The following TNNI3K variants were observed in gnomAD, a reference collection of about 807,000 sequenced individuals.
The protein encoded by TNNI3K is serine/threonine-protein kinase TNNI3K.
Under a neutral mutation model 114.5 loss-of-function variants are expected in TNNI3K, and 140 were observed. The observed-to-expected ratio is 1.22, with a 90% CI of 1.07 to 1.41. TNNI3K has a LOEUF of 1.41. Ranked by LOEUF, TNNI3K falls within the 40% of genes most tolerant of loss-of-function variation. TNNI3K has a pLI of 0.00. For synonymous variants in TNNI3K, 347 were observed against 347.5 expected, an observed-to-expected ratio of 1.00 and a Z score of 0.02; for missense variants, 1,125 against 1,007.6, an observed-to-expected ratio of 1.12 and a Z score of -1.58.
At chr1:74,244,088 G>A (rs560612060) in intron 2 of TNNI3K, among the ~76,000 whole-genome samples, 14 of 152,252 alleles carry the variant, frequency 9.2e-5, no homozygotes, top group African/African-American at 2.6e-4. Context: ...AAACAGAAAC[G>A]TTTGACTAGA....
At chr1:74,395,029 G>A (rs747105255) in intron 17 of TNNI3K, among the ~76,000 whole-genome samples, 15 of 148,564 alleles carry the variant, frequency 1.0e-4, no homozygotes, top group Non-Finnish European at 2.2e-4. Context: ...GGGCGACAGA[G>A]CAAGACTCCA....
At chr1:74,406,146 G>A (rs1664602159) in intron 17 of TNNI3K, among the ~76,000 whole-genome samples, 1 of 152,164 alleles carries the variant, frequency 6.6e-6, no homozygotes. Flanking sequence ...AGTTCTTGTG[G>A]TTGTAGGACT....
At chr1:74,372,092 G>GAAAAAAAA (rs61241236) in intron 17 of TNNI3K, 1 of 135,260 alleles carries the variant, frequency 7.4e-6, no homozygotes, top group African/African-American at 2.9e-5. Flanking sequence ...TAGTTTTTAA[G>GAAAAAAAA]AAAAAAAAAA....
rs543168273 is a variant in TNNI3K, at chr1:74,247,801, C to T, written c.150-1658C>T. 2.6e-4 allele frequency among the ~76,000 whole-genome samples: 39 copies of T among 152,320 alleles called. No homozygotes were observed. The South Asian group carries it at 3.9e-3, about 15-fold the overall frequency. On this transcript the variant is annotated intron_variant, in intron 2 of 24. Coordinates refer to ENST00000326637, the MANE Select transcript of TNNI3K (RefSeq NM_015978.3). ...CCTCCAGCTAGACATAAAAGTTCTC[C>T]AAGTCCCCACCCAACTCAGGAGCCC...
intron 5 of TNNI3K, among the ~76,000 whole-genome samples, chr1:74,315,710 C>A (rs115817492): frequency 6.6e-6 from 1 of 152,056 alleles, no homozygotes; most frequent in Non-Finnish European, 1.5e-5. Flanking sequence ...ATCATCGATT[C>A]TCCTTTGTGT....
At chr1:74,392,749 G>A (rs900108189) in intron 17 of TNNI3K, among the ~76,000 whole-genome samples, 20 of 152,116 alleles carry the variant, frequency 1.3e-4, no homozygotes, top group East Asian at 1.9e-4. Flanking sequence ...AGTACCTCCC[G>A]AAATGCATAA....
chr1:74,370,221 C>T lies in TNNI3K; in HGVS notation c.1668-67C>T, dbSNP rs181884511. 20 of 1,369,120 alleles carry T rather than the reference C, an allele frequency of 1.5e-5. 1 individual carries two copies. In the East Asian group the frequency reaches 3.0e-4, roughly 21 times the overall value. 84.8% of individuals were successfully genotyped at this position (1,369,120 alleles called of 1,614,324 possible). A position where few individuals can be genotyped will look rare whatever the true frequency, so the allele number is the denominator to read the frequency against. ...ATGATATAAAATAACAACTCTTACA[C>T]ATCATTTGCTTTTTTGATATTCGTT... is the stretch of plus-strand genomic sequence containing the variant. On this transcript the variant is annotated intron_variant, in intron 16 of 24. Transcript: ENST00000326637.
intron 20 of TNNI3K, among the ~76,000 whole-genome samples, chr1:74,447,512 C>G (rs1666758210): frequency 7.8e-6 from 1 of 127,486 alleles, no homozygotes; most frequent in Admixed American, 8.1e-5. Context: ...TGAAGAAATG[C>G]TCATCATCAC....
At chr1:74,317,654 C>T (rs1659386622) in intron 5 of TNNI3K, among the ~76,000 whole-genome samples, 1 of 152,072 alleles carries the variant, frequency 6.6e-6, no homozygotes, top group African/African-American at 2.4e-5. Flanking sequence ...GTAGAGTGAC[C>T]ACATATTCCT....
chr1:74,345,022 C>T (rs1025368193), intron 9 of TNNI3K, among the ~76,000 whole-genome samples: 2 of 151,858 alleles, frequency 1.3e-5, no homozygotes, highest in African/African-American at 4.8e-5. Flanking sequence ...CACGCATACA[C>T]GTGTGTGCAT....
intron 18 of TNNI3K, 24 bp downstream of exon 18, chr1:74,436,156 C>A: frequency 2.5e-6 from 4 of 1,606,904 alleles, no homozygotes; most frequent in Admixed American, 1.7e-5. Context: ...AAATGGCATC[C>A]TTTTTTTCTT....
chr1:74,451,348 T>C (rs1297433068), intron 20 of TNNI3K, among the ~76,000 whole-genome samples: 1 of 152,154 alleles, frequency 6.6e-6, no homozygotes, highest in Non-Finnish European at 1.5e-5. Context: ...TCATGGTACA[T>C]GTTTACTTAT....
intron 20 of TNNI3K, among the ~76,000 whole-genome samples, chr1:74,457,964 C>T (rs1023969253): frequency 1.3e-5 from 2 of 152,096 alleles, no homozygotes; most frequent in East Asian, 1.9e-4. Context: ...TAAAAAGGAC[C>T]TAAGTTGACT....
intron 17 of TNNI3K, among the ~76,000 whole-genome samples, chr1:74,397,972 C>G (rs1664172531): frequency 6.6e-6 from 1 of 152,182 alleles, no homozygotes; most frequent in Non-Finnish European, 1.5e-5. Context: ...CTGGACAGAG[C>G]AGGGCCTAAT....
At chr1:74,427,721 C>A (rs1331028474) in intron 17 of TNNI3K, among the ~76,000 whole-genome samples, 1 of 152,020 alleles carries the variant, frequency 6.6e-6, no homozygotes, top group African/African-American at 2.4e-5. Flanking sequence ...AGTTTGCATA[C>A]CTAAGATTCT....
chr1:74,382,874 T>G (rs1663271866), intron 17 of TNNI3K, among the ~76,000 whole-genome samples: 1 of 152,158 alleles, frequency 6.6e-6, no homozygotes, highest in Admixed American at 6.6e-5. Context: ...AAAATAGAGT[T>G]GGCTTTCATT....
intron 2 of TNNI3K, chr1:74,240,031 A>G (rs1654090711): frequency 4.3e-6 from 2 of 464,734 alleles, no homozygotes; most frequent in Admixed American, 4.8e-5. Flanking sequence ...AGGGCACCTT[A>G]GAGTACCATT....
chr1:74,507,223 A>ACG (rs1669949998), intron 23 of TNNI3K, among the ~76,000 whole-genome samples: 1 of 120,328 alleles, frequency 8.3e-6, no homozygotes, highest in Admixed American at 9.2e-5. Context: ...AAATTTCTTC[A>ACG]CCCCCCCCCC....
intron 23 of TNNI3K, among the ~76,000 whole-genome samples, chr1:74,503,574 G>C (rs1669742997): frequency 6.6e-6 from 1 of 152,070 alleles, no homozygotes; most frequent in Non-Finnish European, 1.5e-5. Flanking sequence ...TAAATCTAGG[G>C]ACAAGACCAT....
Sources: gnomAD v4.1 joint callset for allele counts (sites outside exome capture counted in the v4.1 genomes callset) on GRCh38, gnomAD v4.1.1 for gene constraint, MANE v1.5 for transcripts, NCBI Gene and HGNC (gene_info 2026-07-23, HGNC 2026-07-21) for gene names.